Variants in MGAT4C observed in about 807,000 individuals in gnomAD.
MGAT4C encodes MGAT4 family member C.
A neutral mutation model predicts 40.1 loss-of-function variants in MGAT4C; 19 were observed. The ratio of observed to expected loss-of-function variants is 0.47; its 90% CI spans 0.33 to 0.70. The LOEUF (loss-of-function observed/expected upper bound fraction) is 0.70, where lower values mean the gene tolerates loss of function less well. Among genes scored for constraint, MGAT4C ranks in the 30% least tolerant of loss-of-function variants. The pLI is 0.02. For missense variants in MGAT4C, 491 were observed against 563.2 expected (o/e 0.87, Z 1.30); for synonymous variants, 181 against 187.1 (o/e 0.97, Z 0.27).
At chr12:86,007,355 C>T (rs1887990447) in intron 2 of MGAT4C, among the ~76,000 whole-genome samples, 1 of 151,910 alleles carries the variant, frequency 6.6e-6, no homozygotes. Context: ...TATGCTTTAG[C>T]ACAGTTAGAA....
In MGAT4C at chr12:85,978,815, C is replaced by G. The variant is rs955405867; in HGVS notation, c.*474G>C. The G allele has an allele frequency of 1.3e-5, 2 of 151,816 alleles. No homozygotes were observed. Among genetic ancestry groups the G allele is most frequent in the African/African-American group, 4.8e-5 (2 of 41,332 alleles). The allele number at this position is 151,816 out of a possible 1,614,324, so 9.4% of individuals were successfully genotyped here. On this transcript the variant is annotated 3_prime_UTR_variant, in exon 5 of 5. Transcript: ENST00000611864. ...GTATTCATTGTAGATGTACAGAAGT[C>G]AACGGAAACTTAAGTTTACAGAAAA...
intron 1 of MGAT4C, among the ~76,000 whole-genome samples, chr12:86,772,230 T>C (rs1951652413): frequency 6.6e-6 from 1 of 152,198 alleles, no homozygotes; most frequent in African/African-American, 2.4e-5. Context: ...AGGATCCTCC[T>C]GGACTGTCCT....
chr12:86,711,985 A>C (rs919405430), intron 2 of MGAT4C, among the ~76,000 whole-genome samples: 7 of 152,130 alleles, frequency 4.6e-5, no homozygotes, highest in Admixed American at 1.3e-4. Flanking sequence ...TTTTAAATGG[A>C]GAGGATTTCA....
At chr12:86,820,274 C>T (rs2136225822) in intron 1 of MGAT4C, among the ~76,000 whole-genome samples, 1 of 150,816 alleles carries the variant, frequency 6.6e-6, no homozygotes, top group East Asian at 1.9e-4. Flanking sequence ...TTATTTCTTA[C>T]TTGTTGTATA....
intron 2 of MGAT4C, among the ~76,000 whole-genome samples, chr12:86,505,799 G>T (rs1407399351): frequency 6.6e-6 from 1 of 152,088 alleles, no homozygotes; most frequent in African/African-American, 2.4e-5. Context: ...ATGTAATTTA[G>T]TCCTGGTCAG....
intron 2 of MGAT4C, among the ~76,000 whole-genome samples, chr12:86,556,210 GA>G (rs1045220951): frequency 1.3e-5 from 2 of 152,284 alleles, no homozygotes; most frequent in African/African-American, 2.4e-5. Context: ...ACTTAAAGAT[GA>G]GGGGTAAATA....
intron 2 of MGAT4C, among the ~76,000 whole-genome samples, chr12:86,553,874 A>G (rs1190162879): frequency 6.6e-6 from 1 of 152,114 alleles, no homozygotes; most frequent in Non-Finnish European, 1.5e-5. Flanking sequence ...GAGTTTACAA[A>G]TTAATTGAGA....
At chr12:86,485,615 CT>C (rs1479498526) in intron 2 of MGAT4C, among the ~76,000 whole-genome samples, 2 of 152,074 alleles carry the variant, frequency 1.3e-5, no homozygotes, top group African/African-American at 2.4e-5. Flanking sequence ...CCCTGGCATT[CT>C]TGAGAAAGGA....
intron 2 of MGAT4C, among the ~76,000 whole-genome samples, chr12:86,479,572 G>T (rs1355709898): frequency 1.3e-5 from 2 of 151,682 alleles, no homozygotes; most frequent in Non-Finnish European, 2.9e-5. Context: ...TTTTATACTT[G>T]AAATACCTTG....
At chr12:86,207,101 C>G (rs921863341) in intron 1 of MGAT4C, among the ~76,000 whole-genome samples, 1 of 60,380 alleles carries the variant, frequency 1.7e-5, no homozygotes, top group African/African-American at 4.4e-5. Context: ...TATGTTGGAC[C>G]CTTTTTTTTC....
intron 3 of MGAT4C, among the ~76,000 whole-genome samples, chr12:86,411,796 C>T (rs1001035764): frequency 2.0e-5 from 3 of 152,134 alleles, no homozygotes; most frequent in African/African-American, 7.2e-5. Flanking sequence ...GAGGTCTTCA[C>T]ACCAGACCCT....
chr12:86,596,512 A>G (rs1453765684), intron 2 of MGAT4C, among the ~76,000 whole-genome samples: 1 of 152,332 alleles, frequency 6.6e-6, no homozygotes, highest in African/African-American at 2.4e-5. Context: ...CGATGGCCCA[A>G]CACATAGAAC....
At chr12:86,077,425 G>A (rs989081066) in intron 1 of MGAT4C, among the ~76,000 whole-genome samples, 1 of 152,242 alleles carries the variant, frequency 6.6e-6, no homozygotes, top group African/African-American at 2.4e-5. Flanking sequence ...AAAAAGAAAG[G>A]AAATAAAACG....
intron 3 of MGAT4C, among the ~76,000 whole-genome samples, chr12:86,340,821 A>C (rs1954891242): frequency 6.6e-6 from 1 of 152,180 alleles, no homozygotes; most frequent in Non-Finnish European, 1.5e-5. Context: ...TGTACACTGG[A>C]GAGACATAAA....
At chr12:86,334,342 A>G (rs952057596) in intron 3 of MGAT4C, among the ~76,000 whole-genome samples, 1 of 152,110 alleles carries the variant, frequency 6.6e-6, no homozygotes, top group Admixed American at 6.6e-5. Flanking sequence ...TGCTGTAGAA[A>G]CTTAACTAAG....
chr12:86,321,310 A>G (rs1954379688), intron 4 of MGAT4C, among the ~76,000 whole-genome samples: 2 of 152,164 alleles, frequency 1.3e-5, no homozygotes, highest in Admixed American at 6.6e-5. Flanking sequence ...GTCTTCTAAA[A>G]TGTAGCATTC....
At chr12:86,505,764 C>A (rs777479448) in intron 2 of MGAT4C, among the ~76,000 whole-genome samples, 24 of 152,246 alleles carry the variant, frequency 1.6e-4, no homozygotes, top group Non-Finnish European at 2.9e-4. Context: ...AAATGTATTT[C>A]TCTAGCATAC....
At chr12:86,315,166 C>T (rs1319629776) in intron 4 of MGAT4C, among the ~76,000 whole-genome samples, 1 of 152,024 alleles carries the variant, frequency 6.6e-6, no homozygotes, top group Non-Finnish European at 1.5e-5. Context: ...AAAATAGACA[C>T]ATAGACCAAC....
chr12:86,375,588 A>C (rs1029709143), intron 3 of MGAT4C, among the ~76,000 whole-genome samples: 16 of 152,196 alleles, frequency 1.1e-4, no homozygotes, highest in African/African-American at 3.6e-4. Flanking sequence ...AATTCTTCCA[A>C]ACTAGGATAC....
Sources: allele counts gnomAD v4.1 joint callset (sites outside exome capture counted in the v4.1 genomes callset), GRCh38; gene constraint gnomAD v4.1.1; transcripts MANE v1.5; gene names NCBI Gene and HGNC (gene_info 2026-07-23, HGNC 2026-07-21).